FARSB: variants seen among roughly 807,000 people sequenced by gnomAD.
The protein encoded by FARSB is phenylalanine--tRNA ligase beta subunit.
A neutral mutation model predicts 69.6 loss-of-function variants in FARSB; 40 were observed. The observed-to-expected ratio is 0.57, with a 90% CI of 0.45 to 0.75. The LOEUF is 0.75. Ranked by LOEUF, FARSB falls within the 30% of genes least tolerant of loss-of-function variation. The probability of loss-of-function intolerance (pLI) is 0.00; values close to 1 mark genes in which losing one functional copy is unlikely to be tolerated. For synonymous variants in FARSB, 235 were observed against 247.2 expected, an observed-to-expected ratio of 0.95 and a Z score of 0.46; for missense variants, 632 against 722.9, an observed-to-expected ratio of 0.87 and a Z score of 1.44.
intron 1 of FARSB, among the ~76,000 whole-genome samples, chr2:222,655,762 G>A (rs1692158366): frequency 6.6e-6 from 1 of 152,240 alleles, no homozygotes; most frequent in African/African-American, 2.4e-5. Context: ...CAGGCACGCT[G>A]TAGGCACTCG....
At chr2:222,573,039 T>C (rs1170937088) in intron 16 of FARSB, among the ~76,000 whole-genome samples, 2 of 152,010 alleles carry the variant, frequency 1.3e-5, no homozygotes, top group Non-Finnish European at 2.9e-5. Flanking sequence ...TCAGAGTGAG[T>C]GCATTATTGA....
chr2:222,591,266 A>G (rs560490041), intron 16 of FARSB, among the ~76,000 whole-genome samples: 1 of 152,060 alleles, frequency 6.6e-6, no homozygotes, highest in Non-Finnish European at 1.5e-5. Flanking sequence ...TGAACCATCA[A>G]TGTTCTGGCA....
chr2:222,644,302 A>G (rs762166025), intron 2 of FARSB, among the ~76,000 whole-genome samples: 32 of 152,282 alleles, frequency 2.1e-4, no homozygotes, highest in Admixed American at 3.3e-4. Flanking sequence ...CTGGGCTCCA[A>G]AAAACCTCTA....
intron 10 of FARSB, among the ~76,000 whole-genome samples, chr2:222,626,805 G>T (rs182038609): frequency 6.6e-6 from 1 of 152,112 alleles, no homozygotes; most frequent in African/African-American, 2.4e-5. Context: ...AGGCCAAAGC[G>T]GGCGGATCAC....
intron 8 of FARSB, among the ~76,000 whole-genome samples, chr2:222,631,166 T>G (rs1392340804): frequency 1.3e-5 from 2 of 151,370 alleles, no homozygotes. Context: ...AAATAAAGCT[T>G]CTTCATCGCC....
intron 15 of FARSB, among the ~76,000 whole-genome samples, chr2:222,607,327 G>C (rs1383233883): frequency 6.6e-6 from 1 of 152,058 alleles, no homozygotes; most frequent in Non-Finnish European, 1.5e-5. Context: ...AAGGTACAAG[G>C]ACATTTCTTG....
At chr2:222,577,906 A>G (rs1279590283) in intron 16 of FARSB, among the ~76,000 whole-genome samples, 3 of 152,236 alleles carry the variant, frequency 2.0e-5, no homozygotes, top group Admixed American at 1.3e-4. Flanking sequence ...TCTAATCTTA[A>G]CTATGTGTCT....
chr2:222,622,439 A>G (rs2121565), intron 13 of FARSB, among the ~76,000 whole-genome samples: 129,957 of 152,228 alleles, frequency 0.85, 56,396 homozygotes, highest in African/African-American at 0.97. Context: ...AAGTGGGGAA[A>G]AGAACTGTTA....
At chr2:222,611,066 A>G (rs1690836367) in intron 15 of FARSB, among the ~76,000 whole-genome samples, 1 of 152,214 alleles carries the variant, frequency 6.6e-6, no homozygotes. Flanking sequence ...ATCCAGGCCT[A>G]CCTAAACAGA....
In FARSB at chr2:222,642,944, T is replaced by A. The variant is rs753902883; in HGVS notation, c.176A>T (p.Asp59Val). 6.2e-6 allele frequency: 10 copies of A among 1,612,010 alleles called. No individual in the cohort carries two copies. Among genetic ancestry groups the A allele is most frequent in the Non-Finnish European group, 7.6e-6 (9 of 1,178,284 alleles). ...GACGTCAATTTTGTAAAGAACAACATCAGAGGCTCCTGCTGCCTTTACATT... is the reference window on the plus strand; with the variant it reads ...GACGTCAATTTTGTAAAGAACAACAACAGAGGCTCCTGCTGCCTTTACATT... ...QGNVKAAGAS[D>V]VVLYKIDVPA... Residue 59 changes from aspartate to valine, a missense_variant, in exon 3 of 17, where the codon GAT becomes GTT. Transcript: ENST00000281828.
intron 16 of FARSB, among the ~76,000 whole-genome samples, chr2:222,591,150 C>T (rs952202974): frequency 2.0e-5 from 3 of 149,458 alleles, no homozygotes; most frequent in South Asian, 4.2e-4. Flanking sequence ...GAGGCTACAG[C>T]GAGCTATGAT....
At chr2:222,654,716 ACTAT>A (rs1245638032) in intron 1 of FARSB, among the ~76,000 whole-genome samples, 1 of 152,246 alleles carries the variant, frequency 6.6e-6, no homozygotes, top group African/African-American at 2.4e-5. Context: ...GAGAATAGGT[ACTAT>A]CTAAAAGTAC....
At chr2:222,638,081 G>C (rs1489858466) in intron 5 of FARSB, among the ~76,000 whole-genome samples, 1 of 152,164 alleles carries the variant, frequency 6.6e-6, no homozygotes, top group Non-Finnish European at 1.5e-5. Flanking sequence ...TGAAAGAGGT[G>C]ACATCACTAC....
chr2:222,568,448 GAA>G lies in FARSB; in HGVS notation c.*3421_*3422del, dbSNP rs1248673766. 23 of 152,200 alleles carry G rather than the reference GAA, an allele frequency of 1.5e-4. No individual in the cohort carries two copies. In the East Asian group the frequency reaches 2.9e-3, roughly 19 times the overall value. The allele number at this position is 152,200 out of a possible 1,614,324, so 9.4% of individuals were successfully genotyped here. A position where few individuals can be genotyped will look rare whatever the true frequency, so the allele number is the denominator to read the frequency against. ...TTCTGAGTAAGTTATTGATCTCTCT[GAA>G]ACTCAACTGTTTTCACCCTACACAT... On this transcript the variant is annotated 3_prime_UTR_variant, in exon 17 of 17. Coordinates refer to ENST00000281828, the MANE Select transcript of FARSB (RefSeq NM_005687.5). This position sits in a 1 kb window ranked among gnomAD's most constrained non-coding sequence, Gnocchi z 4.3.
intron 4 of FARSB, among the ~76,000 whole-genome samples, chr2:222,639,955 C>G (rs1314959782): frequency 2.0e-5 from 3 of 151,932 alleles, no homozygotes; most frequent in Non-Finnish European, 1.5e-5. Flanking sequence ...ATATATTTAC[C>G]AAACAACCCC....
intron 10 of FARSB, among the ~76,000 whole-genome samples, chr2:222,626,712 C>T (rs1438855577): frequency 1.3e-5 from 2 of 152,114 alleles, no homozygotes; most frequent in African/African-American, 4.8e-5. Flanking sequence ...AATATATAAT[C>T]ACTTTTATTA....
At chr2:222,655,461 C>T (rs1056104982) in intron 1 of FARSB, among the ~76,000 whole-genome samples, 6 of 152,158 alleles carry the variant, frequency 3.9e-5, no homozygotes, top group Non-Finnish European at 5.9e-5. Context: ...ATTTTATTAA[C>T]GTGCTGGTTA....
intron 10 of FARSB, among the ~76,000 whole-genome samples, chr2:222,627,536 T>C (rs1691309960): frequency 6.6e-6 from 1 of 152,134 alleles, no homozygotes; most frequent in East Asian, 1.9e-4. Flanking sequence ...ACCACCCTAT[T>C]GACCAAAAGA....
chr2:222,575,744 G>A (rs930627829), intron 16 of FARSB, among the ~76,000 whole-genome samples: 1 of 152,172 alleles, frequency 6.6e-6, no homozygotes, highest in Non-Finnish European at 1.5e-5. Flanking sequence ...ACTTAGTGGG[G>A]TGTTAGTAAG....
Sources: allele counts gnomAD v4.1 joint callset (sites outside exome capture counted in the v4.1 genomes callset), GRCh38; gene constraint gnomAD v4.1.1; non-coding constraint Gnocchi (gnomAD v3.1); transcripts MANE v1.5; gene names NCBI Gene and HGNC (gene_info 2026-07-23, HGNC 2026-07-21).